Variants in MAP3K20 observed in about 807,000 individuals in gnomAD.
The protein encoded by MAP3K20 is mitogen-activated protein kinase kinase kinase 20.
In MAP3K20, 40 loss-of-function variants were observed where a neutral mutation model predicts 85.7. The ratio of observed to expected loss-of-function variants is 0.47; its 90% CI spans 0.36 to 0.61. The LOEUF (loss-of-function observed/expected upper bound fraction) is 0.61, where lower values mean the gene tolerates loss of function less well. Among genes scored for constraint, MAP3K20 ranks in the 20% least tolerant of loss-of-function variants. The probability of loss-of-function intolerance (pLI) is 0.00; values close to 1 mark genes in which losing one functional copy is unlikely to be tolerated. For synonymous variants in MAP3K20, 325 were observed against 327.7 expected, an observed-to-expected ratio of 0.99 and a Z score of 0.09; for missense variants, 817 against 961.7, an observed-to-expected ratio of 0.85 and a Z score of 1.99.
At chr2:173,195,990 C>T (rs998388684) in intron 7 of MAP3K20, among the ~76,000 whole-genome samples, 6 of 152,074 alleles carry the variant, frequency 3.9e-5, no homozygotes, top group African/African-American at 1.4e-4. Flanking sequence ...TCAAGAATGA[C>T]GTAAATGTTT....
At chr2:173,142,929 G>A (rs996215433) in intron 2 of MAP3K20, among the ~76,000 whole-genome samples, 3 of 151,898 alleles carry the variant, frequency 2.0e-5, no homozygotes, top group Admixed American at 6.6e-5. Context: ...TGGGAGGCCA[G>A]GGCAGGAGGA....
intron 11 of MAP3K20, chr2:173,224,850 C>A (rs1684341283): frequency 1.0e-6 from 1 of 984,942 alleles, no homozygotes; most frequent in African/African-American, 1.7e-5. Context: ...TATTTATTAG[C>A]CATATGCAGA....
At chr2:173,262,107 G>A (rs1685308831) in intron 18 of MAP3K20, among the ~76,000 whole-genome samples, 1 of 152,116 alleles carries the variant, frequency 6.6e-6, no homozygotes, top group Non-Finnish European at 1.5e-5. Context: ...AAGTCTTGAG[G>A]TGTGAGGTCC....
intron 14 of MAP3K20, among the ~76,000 whole-genome samples, chr2:173,233,428 C>T (rs1309171691): frequency 6.6e-6 from 1 of 152,142 alleles, no homozygotes; most frequent in East Asian, 1.9e-4. Context: ...TGGTCGTGGT[C>T]ATGGTTGTTT....
At position 173,075,965 on chromosome 2, in the gene MAP3K20, C is replaced by T; in HGVS notation, c.-72C>T. ...GCCCTCGTCGCGCGCGGGGCCTCCG[C>T]GCCCCCGGCTGCTGCTCACGCCCCG... is the stretch of plus-strand genomic sequence containing the variant. On this transcript the variant is annotated 5_prime_UTR_variant, in exon 1 of 20. Transcript: ENST00000375213. 1.0e-6 allele frequency: 1 copy of T among 985,114 alleles called. No homozygotes were observed. Among genetic ancestry groups the T allele is most frequent in the African/African-American group, 1.7e-5 (1 of 57,298 alleles). 61.0% of individuals were successfully genotyped at this position (985,114 alleles called of 1,614,324 possible). A position where few individuals can be genotyped will look rare whatever the true frequency, so the allele number is the denominator to read the frequency against.
At position 173,155,803 on chromosome 2, in the gene MAP3K20, T is replaced by C. The variant is rs551279366; in HGVS notation, c.160-14002T>C. Among the ~76,000 whole-genome samples the C allele has an allele frequency of 2.7e-3, 414 of 152,328 alleles. 3 individuals carry two copies. Among genetic ancestry groups the C allele is most frequent in the African/African-American group, 9.5e-3 (397 of 41,576 alleles). ...TGTGGTACCCTAGCGACTCTTCCATTAAACGGAACCTTGATCTCTGATAGC... is the reference window on the plus strand; with the variant it reads ...TGTGGTACCCTAGCGACTCTTCCATCAAACGGAACCTTGATCTCTGATAGC... On this transcript the variant is annotated intron_variant, in intron 2 of 19. Coordinates refer to ENST00000375213, the MANE Select transcript of MAP3K20 (RefSeq NM_016653.3).
At chr2:173,187,415 T>A in intron 4 of MAP3K20, 143 bp from the exon 5 acceptor site, 1 of 628,574 alleles carries the variant, frequency 1.6e-6, no homozygotes, top group East Asian at 2.9e-5. Context: ...TGTAGACATA[T>A]TCTGTTTTCA....
intron 3 of MAP3K20, among the ~76,000 whole-genome samples, chr2:173,178,403 G>A (rs1022070911): frequency 1.8e-4 from 28 of 152,264 alleles, no homozygotes; most frequent in African/African-American, 6.0e-4. Context: ...TAGCACTTGC[G>A]GAGGCCAAGG....
intron 15 of MAP3K20, 73 bp from the exon 16 acceptor site, chr2:173,239,331 C>A: frequency 4.0e-6 from 5 of 1,243,496 alleles, no homozygotes; most frequent in South Asian, 1.7e-5. Context: ...AAACTAGTGC[C>A]AAGATATCAT....
chr2:173,154,476 G>C (rs1288515715), intron 2 of MAP3K20, among the ~76,000 whole-genome samples: 2 of 152,094 alleles, frequency 1.3e-5, no homozygotes, highest in Admixed American at 1.3e-4. Context: ...GAGCCACCGT[G>C]CCCAGCCTAA....
intron 16 of MAP3K20, among the ~76,000 whole-genome samples, chr2:173,249,384 G>A (rs1363022011): frequency 3.3e-5 from 5 of 152,192 alleles, no homozygotes; most frequent in East Asian, 1.9e-4. Context: ...AAAGCACTAT[G>A]TTGGAAAATC....
At chr2:173,214,730 A>C (rs1450770757) in intron 10 of MAP3K20, among the ~76,000 whole-genome samples, 2 of 152,194 alleles carry the variant, frequency 1.3e-5, no homozygotes. Context: ...ATTGACCTTG[A>C]TTGGATTTGG....
At chr2:173,132,913 T>C (rs1321531134) in intron 2 of MAP3K20, among the ~76,000 whole-genome samples, 3 of 152,246 alleles carry the variant, frequency 2.0e-5, no homozygotes, top group Non-Finnish European at 4.4e-5. Flanking sequence ...GTTAGAAATG[T>C]ATCCTGAGCG....
chr2:173,208,736 A>G (rs1683776138), intron 9 of MAP3K20, among the ~76,000 whole-genome samples: 2 of 152,188 alleles, frequency 1.3e-5, no homozygotes, highest in Admixed American at 6.5e-5. Flanking sequence ...AGCCACCTCA[A>G]CATTGTTTCT....
intron 3 of MAP3K20, among the ~76,000 whole-genome samples, chr2:173,174,936 T>G (rs529723548): frequency 6.6e-6 from 1 of 152,186 alleles, no homozygotes; most frequent in African/African-American, 2.4e-5. Context: ...TTGTTGAATA[T>G]TTTAGTCCCA....
intron 2 of MAP3K20, among the ~76,000 whole-genome samples, chr2:173,132,455 G>T (rs1688645312): frequency 6.6e-6 from 1 of 152,122 alleles, no homozygotes; most frequent in African/African-American, 2.4e-5. Flanking sequence ...TGCTTTTTCG[G>T]ACTCCAGCTG....
intron 2 of MAP3K20, among the ~76,000 whole-genome samples, chr2:173,103,550 C>T (rs1343514785): frequency 1.3e-5 from 2 of 152,166 alleles, no homozygotes; most frequent in Non-Finnish European, 2.9e-5. Flanking sequence ...TCCAGGAAGG[C>T]CCTCTGTATC....
At chr2:173,181,781 C>T (rs1238743434) in intron 3 of MAP3K20, among the ~76,000 whole-genome samples, 1 of 151,904 alleles carries the variant, frequency 6.6e-6, no homozygotes, top group Non-Finnish European at 1.5e-5. Flanking sequence ...GGCGCAGTGG[C>T]TCAAGCCTGT....
chr2:173,163,657 G>C (rs1203022102), intron 2 of MAP3K20, among the ~76,000 whole-genome samples: 3 of 152,112 alleles, frequency 2.0e-5, no homozygotes, highest in Non-Finnish European at 4.4e-5. Context: ...GTCTACCTTT[G>C]ATGGGCATTT....
Sources: gnomAD v4.1 joint callset for allele counts (sites outside exome capture counted in the v4.1 genomes callset) on GRCh38, gnomAD v4.1.1 for gene constraint, MANE v1.5 for transcripts, NCBI Gene and HGNC (gene_info 2026-07-23, HGNC 2026-07-21) for gene names.